The following TAB2 variants were observed in gnomAD, a reference collection of about 807,000 sequenced individuals.
TAB2 encodes the protein TGF-beta activated kinase 1 (MAP3K7) binding protein 2.
TAB2 carries 3 observed loss-of-function variants against 65.0 expected under a neutral mutation model. The ratio of observed to expected loss-of-function variants is 0.05; its 90% confidence interval spans 0.02 to 0.12. TAB2 has a LOEUF of 0.12. Among genes scored for constraint, TAB2 ranks in the 10% least tolerant of loss-of-function variants. The pLI is 1.00. For synonymous variants in TAB2, 298 were observed against 285.1 expected (o/e 1.05, Z -0.46); for missense variants, 623 against 840.3 (o/e 0.74, Z 3.20).
intron 1 of TAB2, among the ~76,000 whole-genome samples, chr6:149,340,885 G>A (rs916655097): frequency 1.3e-5 from 2 of 152,084 alleles, no homozygotes; most frequent in East Asian, 1.9e-4. Context: ...CTTGTGGCTT[G>A]TGATACTTGC....
chr6:149,400,704 A>G (rs764615126), intron 6 of TAB2: 2 of 1,606,416 alleles, frequency 1.2e-6, no homozygotes, highest in Non-Finnish European at 1.7e-6. Context: ...TCTTTACTCC[A>G]GAACGCTGTT....
rs1403768845 is a variant in TAB2 at position 149,377,069 on chromosome 6, TA to T, written c.103-948del. Among the ~76,000 whole-genome samples the T allele has an allele frequency of 3.5e-3, 290 of 83,502 alleles. 3 individuals carry two copies. The highest frequency in any genetic ancestry group is 8.1e-3 in the African/African-American group (186 of 23,088). 54.8% of individuals were successfully genotyped at this position (83,502 alleles called of 152,430 possible). ...AACTTTAAATGCTACAAATGTAACTTATTTTTTTTTTTTTTTTTGAGACAGA... is the reference window on the plus strand; with the variant it reads ...AACTTTAAATGCTACAAATGTAACTTTTTTTTTTTTTTTTTTTGAGACAGA... On this transcript the variant is annotated intron_variant, in intron 2 of 6. Transcript: ENST00000637181.
chr6:149,397,720 C>G lies in TAB2; in HGVS notation c.1720C>G (p.Arg574Gly), dbSNP rs1782220827. Residue 574 changes from arginine to glycine, a missense_variant, in exon 4 of 7, where the codon CGA (arginine) becomes GGA (glycine). By Grantham distance (125) the Arg-to-Gly change is moderately radical (BLOSUM62 -2). Coordinates refer to ENST00000637181, the MANE Select transcript of TAB2 (RefSeq NM_001292034.3). ...EVNEMENNLT[R>G]RRLKRSNSIS... The stretch of plus-strand genomic sequence containing the variant: ...TAATGAAATGGAAAATAATCTAACT[C>G]GAAGGCGCCTGAAAAGATCAAATTC... The G allele has an allele frequency of 1.2e-6, 2 of 1,613,892 alleles. No homozygotes were observed. The highest frequency in any genetic ancestry group is 1.7e-6 in the Non-Finnish European group (2 of 1,179,994).
chr6:149,283,778 G>A (rs1217825591), intron 1 of TAB2, among the ~76,000 whole-genome samples: 4 of 152,062 alleles, frequency 2.6e-5, no homozygotes, highest in African/African-American at 9.7e-5. Context: ...GGTGACTTTT[G>A]GGAACAATAT....
At chr6:149,299,111 A>T (rs1376744155) in intron 1 of TAB2, among the ~76,000 whole-genome samples, 1 of 152,256 alleles carries the variant, frequency 6.6e-6, no homozygotes, top group African/African-American at 2.4e-5. Context: ...ATATAGCAGA[A>T]AATGAAAGTA....
Position 149,328,440 on chromosome 6 carries a change from G to A in TAB2, c.-90+10425G>A, listed in dbSNP as rs202230854. On this transcript the variant is annotated intron_variant, in intron 1 of 6. Transcript: ENST00000637181. ...CCCAAGTAGCTGGGACTGTTGGTGC[G>A]TGCCACCACGCCTGGCTAATTTTTT... 2.0e-4 allele frequency among the ~76,000 whole-genome samples: 30 copies of A among 152,272 alleles called. No homozygotes were observed. The East Asian group carries it at 4.6e-3, about 24-fold the overall frequency.
rs749575189 is a variant in TAB2, at chr6:149,378,761, T to C, written c.846T>C (p.His282=). ...QPNQQGHQTS[H]VYMPISSPTT... ...ATCAGCAAGGCCACCAGACCTCTCA[T>C]GTCTACATGCCAATCAGTTCACCTA... Residue 282 remains histidine, a synonymous_variant, in exon 3 of 7, where the codon CAT becomes CAC. Coordinates refer to ENST00000637181, the MANE Select transcript of TAB2 (RefSeq NM_001292034.3). 5.0e-6 allele frequency: 8 copies of C among 1,614,052 alleles called. No homozygotes were observed. In the African/African-American group the frequency reaches 1.1e-4, roughly 22 times the overall value.
rs1172115524 is a variant in TAB2, at chr6:149,379,508, C to T, written c.1593C>T (p.Ala531=). The change falls in exon 3 of 7, where the codon GCC becomes GCT. Residue 531 remains alanine (A), a synonymous_variant. Transcript: ENST00000637181. ...TGAGTATGGGATCTGATGATGCTGCCTACACACAAGGTAATATGAATACTA... is the reference window on the plus strand; with the variant it reads ...TGAGTATGGGATCTGATGATGCTGCTTACACACAAGGTAATATGAATACTA... The part of the protein sequence containing the change: ...RKLSMGSDDA[A]YTQALLVHQK... 2 of 1,613,958 alleles carry T rather than the reference C, an allele frequency of 1.2e-6. No individual in the cohort carries two copies. The highest frequency in any genetic ancestry group is 1.6e-4 in the Middle Eastern group (1 of 6,084).
intron 1 of TAB2, among the ~76,000 whole-genome samples, chr6:149,249,123 G>C (rs1315304428): frequency 1.1e-4 from 16 of 144,222 alleles, no homozygotes; most frequent in Admixed American, 1.1e-3. Flanking sequence ...TCTGCACACA[G>C]ACACACACAC....
intron 1 of TAB2, among the ~76,000 whole-genome samples, chr6:149,330,431 A>G (rs1779748475): frequency 6.6e-6 from 1 of 152,174 alleles, no homozygotes; most frequent in Non-Finnish European, 1.5e-5. Context: ...AGAAACCTAC[A>G]GTTTCTCTGC....
chr6:149,361,807 C>T (rs1159550044), intron 1 of TAB2, among the ~76,000 whole-genome samples: 2 of 152,178 alleles, frequency 1.3e-5, no homozygotes, highest in African/African-American at 4.8e-5. Flanking sequence ...TAGAAACATC[C>T]AGTCCACATC....
intron 1 of TAB2, among the ~76,000 whole-genome samples, chr6:149,357,689 C>T (rs890951569): frequency 6.6e-6 from 1 of 151,638 alleles, no homozygotes. Flanking sequence ...AACATCTTTT[C>T]TTATGTATCT....
At chr6:149,292,022 C>T (rs1284527521) in intron 1 of TAB2, among the ~76,000 whole-genome samples, 1 of 152,054 alleles carries the variant, frequency 6.6e-6, no homozygotes. Flanking sequence ...ATCATAAGAA[C>T]TAAATAATTA....
chr6:149,303,381 T>C (rs576226297), intron 1 of TAB2, among the ~76,000 whole-genome samples: 42 of 152,270 alleles, frequency 2.8e-4, no homozygotes, highest in African/African-American at 9.1e-4. Flanking sequence ...TTGCATCTAA[T>C]CATGTCTTGA....
At chr6:149,397,803 A>G (rs758484429) in intron 4 of TAB2, 39 bp downstream of exon 4, 46 of 1,608,934 alleles carry the variant, frequency 2.9e-5, no homozygotes, top group African/African-American at 1.3e-4. Flanking sequence ...CTGCTTGAAC[A>G]TGAGAGTAGG....
chr6:149,283,284 C>T (rs965530488), intron 1 of TAB2, among the ~76,000 whole-genome samples: 1 of 152,194 alleles, frequency 6.6e-6, no homozygotes, highest in Non-Finnish European at 1.5e-5. Context: ...AACACAAATA[C>T]ATTGAAAATA....
chr6:149,324,819 A>G (rs1016091358), intron 1 of TAB2, among the ~76,000 whole-genome samples: 2 of 149,610 alleles, frequency 1.3e-5, no homozygotes, highest in East Asian at 3.8e-4. Flanking sequence ...AACTGTGGAA[A>G]ATATTACTTT....
intron 6 of TAB2, among the ~76,000 whole-genome samples, chr6:149,404,465 C>G (rs570076856): frequency 5.9e-5 from 9 of 152,132 alleles, no homozygotes; most frequent in Admixed American, 5.9e-4. Context: ...CAGAAAAGAC[C>G]CTGAATAGCC....
intron 1 of TAB2, among the ~76,000 whole-genome samples, chr6:149,273,992 T>C (rs1046194263): frequency 6.6e-6 from 1 of 152,224 alleles, no homozygotes; most frequent in Non-Finnish European, 1.5e-5. Context: ...CAGATGGTAA[T>C]GGAAAGCAGT....
Sources: gnomAD v4.1 joint callset for allele counts (sites outside exome capture counted in the v4.1 genomes callset) on GRCh38, gnomAD v4.1.1 for gene constraint, MANE v1.5 for transcripts, NCBI Gene and HGNC (gene_info 2026-07-23, HGNC 2026-07-21) for gene names.